The following NYAP2 variants were observed in gnomAD, a reference collection of about 807,000 sequenced individuals.
NYAP2 encodes neuronal tyrosine-phosphorylated phosphoinositide-3-kinase adaptor 2, also known as neuronal tyrosine-phosphorylated phosphoinositide-3-kinase adapter 2.
A neutral mutation model predicts 50.4 loss-of-function variants in NYAP2; 23 were observed. The ratio of observed to expected loss-of-function variants is 0.46; its 90% CI spans 0.33 to 0.65. The LOEUF is 0.65. Among genes scored for constraint, NYAP2 ranks in the 30% least tolerant of loss-of-function variants. NYAP2 has a pLI of 0.02. For synonymous variants in NYAP2, 394 were observed against 365.2 expected, an observed-to-expected ratio of 1.08 and a Z score of -0.90; for missense variants, 885 against 861.0, an observed-to-expected ratio of 1.03 and a Z score of -0.35.
At chr2:225,406,705 C>T (rs1390981683) in intron 2 of NYAP2, among the ~76,000 whole-genome samples, 1 of 151,882 alleles carries the variant, frequency 6.6e-6, no homozygotes, top group Non-Finnish European at 1.5e-5. Flanking sequence ...AATTTGATCT[C>T]CTTTTTGTTT....
At chr2:225,555,137 T>A (rs80113710) in intron 4 of NYAP2, among the ~76,000 whole-genome samples, 3,175 of 152,260 alleles carry the variant, frequency 0.021, 110 homozygotes, top group African/African-American at 0.071. Context: ...GAGACTGAAA[T>A]CATCATATTC....
At chr2:225,628,325 T>A (rs1693247438) in intron 6 of NYAP2, among the ~76,000 whole-genome samples, 1 of 146,560 alleles carries the variant, frequency 6.8e-6, no homozygotes, top group African/African-American at 2.5e-5. Flanking sequence ...GTTTTTTTTT[T>A]TTTTTTTTTT....
chr2:225,551,954 A>G (rs1691686116), intron 4 of NYAP2, among the ~76,000 whole-genome samples: 1 of 152,152 alleles, frequency 6.6e-6, no homozygotes, highest in Non-Finnish European at 1.5e-5. Flanking sequence ...CTGGGATTAC[A>G]GGTGTGCATC....
chr2:225,422,450 A>AT (rs1002976563), intron 3 of NYAP2, among the ~76,000 whole-genome samples: 1 of 152,118 alleles, frequency 6.6e-6, no homozygotes, highest in Non-Finnish European at 1.5e-5. Flanking sequence ...CTCATGACAA[A>AT]TTTTTTTCAG....
At chr2:225,603,104 G>C (rs1051231197) in intron 5 of NYAP2, among the ~76,000 whole-genome samples, 1 of 152,038 alleles carries the variant, frequency 6.6e-6, no homozygotes, top group African/African-American at 2.4e-5. Flanking sequence ...AATTTTTTTA[G>C]CAATGTTTAA....
intron 3 of NYAP2, among the ~76,000 whole-genome samples, chr2:225,501,516 T>A (rs779144108): frequency 4.6e-5 from 7 of 152,246 alleles, no homozygotes; most frequent in Admixed American, 1.3e-4. Context: ...AACGAATTAA[T>A]GTGCCTGGGG....
chr2:225,509,391 G>C (rs758688311), intron 3 of NYAP2, among the ~76,000 whole-genome samples: 1 of 152,138 alleles, frequency 6.6e-6, no homozygotes, highest in Non-Finnish European at 1.5e-5. Context: ...TTCCACAATG[G>C]CAATGACACT....
chr2:225,617,485 T>C (rs1434897347), intron 5 of NYAP2, among the ~76,000 whole-genome samples: 1 of 152,114 alleles, frequency 6.6e-6, no homozygotes. Flanking sequence ...CAAAAGCTTT[T>C]TATGTAAATC....
intron 2 of NYAP2, among the ~76,000 whole-genome samples, chr2:225,408,607 C>G (rs1231135316): frequency 2.6e-5 from 4 of 151,922 alleles, no homozygotes; most frequent in African/African-American, 7.2e-5. Context: ...CAGTATTTAC[C>G]CCTTCCCATC....
intron 4 of NYAP2, 36 bp from the exon 5 acceptor site, chr2:225,581,905 T>C (rs77587532): frequency 0.13 from 202,815 of 1,553,152 alleles, 13,904 homozygotes; most frequent in Non-Finnish European, 0.14. Flanking sequence ...TTTCCTATTA[T>C]ACTCATCTAT....
exon 3 of NYAP2, chr2:225,408,982 G>C: frequency 6.2e-7 from 1 of 1,612,236 alleles, no homozygotes; most frequent in Non-Finnish European, 8.5e-7. Flanking sequence ...ATGATGGCTT[G>C]GTTATTCAGA....
chr2:225,676,089 C>T, the NYAP2 span, among the ~76,000 whole-genome samples: 4 of 152,092 alleles, frequency 2.6e-5, no homozygotes, highest in Admixed American at 2.0e-4. Context: ...AATAATTCCT[C>T]TCATTCTATA....
chr2:225,561,480 T>C (rs1186390696), intron 4 of NYAP2, among the ~76,000 whole-genome samples: 3 of 152,060 alleles, frequency 2.0e-5, no homozygotes, highest in Non-Finnish European at 2.9e-5. Context: ...CCACTAGGGA[T>C]TCCATGTGCC....
the NYAP2 span, among the ~76,000 whole-genome samples, chr2:225,666,114 G>A: frequency 6.6e-6 from 1 of 151,864 alleles, no homozygotes; most frequent in Non-Finnish European, 1.5e-5. Context: ...ATTAACTTTC[G>A]GCCAATTTAC....
intron 3 of NYAP2, among the ~76,000 whole-genome samples, chr2:225,508,998 C>T (rs1316603365): frequency 6.6e-6 from 1 of 152,146 alleles, no homozygotes; most frequent in Non-Finnish European, 1.5e-5. Context: ...TCTGGCTCTT[C>T]TTGAGGGGAA....
chr2:225,492,170 T>C (rs1690420262), intron 3 of NYAP2, among the ~76,000 whole-genome samples: 1 of 152,208 alleles, frequency 6.6e-6, no homozygotes, highest in Non-Finnish European at 1.5e-5. Context: ...CCATGTGTCC[T>C]GGTGACTGTT....
the NYAP2 span, among the ~76,000 whole-genome samples, chr2:225,680,998 C>G: frequency 1.3e-5 from 2 of 152,192 alleles, no homozygotes; most frequent in African/African-American, 4.8e-5. Flanking sequence ...TCCTCACACT[C>G]TGTGTGTGGC....
At chr2:225,573,975 T>C (rs1238335974) in intron 4 of NYAP2, among the ~76,000 whole-genome samples, 6 of 152,120 alleles carry the variant, frequency 3.9e-5, no homozygotes, top group African/African-American at 1.4e-4. Flanking sequence ...GTGTTGAGGG[T>C]GGCTATCTTG....
intron 3 of NYAP2, among the ~76,000 whole-genome samples, chr2:225,490,445 G>T (rs1690384552): frequency 6.6e-6 from 1 of 152,174 alleles, no homozygotes; most frequent in Admixed American, 6.5e-5. Flanking sequence ...AATGCATTTT[G>T]TAAGTAAAGA....
Sources: gnomAD v4.1 joint callset for allele counts (sites outside exome capture counted in the v4.1 genomes callset) on GRCh38, gnomAD v4.1.1 for gene constraint, MANE v1.5 for transcripts, NCBI Gene and HGNC (gene_info 2026-07-23, HGNC 2026-07-21) for gene names.